The following SLC12A8 variants were observed in gnomAD, a reference collection of about 807,000 sequenced individuals.
SLC12A8 encodes the protein cation-chloride cotransporter 9.
SLC12A8 carries 69 observed loss-of-function variants against 75.6 expected under a neutral mutation model. That is an observed-to-expected ratio of 0.91 (90% confidence interval 0.75 to 1.11). The LOEUF (loss-of-function observed/expected upper bound fraction) is 1.11, where lower values mean the gene tolerates loss of function less well. SLC12A8 is among the 50% of genes most tolerant of loss of function. The pLI is 0.00. For synonymous variants in SLC12A8, 365 were observed against 372.8 expected (o/e 0.98, Z 0.24); for missense variants, 877 against 896.7 (o/e 0.98, Z 0.28).
chr3:125,092,995 A>T (rs1027186488), intron 10 of SLC12A8, among the ~76,000 whole-genome samples: 2 of 152,026 alleles, frequency 1.3e-5, no homozygotes, highest in Non-Finnish European at 2.9e-5. Context: ...CCACCCTCCT[A>T]CCTTTCCGAG....
At chr3:125,162,406 A>G (rs1268908123) in intron 5 of SLC12A8, among the ~76,000 whole-genome samples, 1 of 152,030 alleles carries the variant, frequency 6.6e-6, no homozygotes, top group East Asian at 1.9e-4. Flanking sequence ...CAGTGAAACC[A>G]CCTTTCTGCG....
chr3:125,176,845 G>A (rs1167571915), intron 5 of SLC12A8, among the ~76,000 whole-genome samples: 2 of 144,908 alleles, frequency 1.4e-5, no homozygotes, highest in Non-Finnish European at 3.1e-5. Flanking sequence ...GAGAGGATGT[G>A]CAGAAATAGG....
chr3:125,165,449 G>A (rs1934264152), intron 5 of SLC12A8, among the ~76,000 whole-genome samples: 2 of 152,238 alleles, frequency 1.3e-5, no homozygotes, highest in Admixed American at 6.5e-5. Context: ...GCAAAGACAT[G>A]TAGATGCCCT....
intron 5 of SLC12A8, among the ~76,000 whole-genome samples, chr3:125,140,877 G>A (rs1000968009): frequency 6.6e-6 from 1 of 152,086 alleles, no homozygotes; most frequent in African/African-American, 2.4e-5. Context: ...GAGCCACCAC[G>A]TCTAGCCTCC....
At chr3:125,210,054 A>G (rs541595400) in intron 2 of SLC12A8, among the ~76,000 whole-genome samples, 56 of 152,344 alleles carry the variant, frequency 3.7e-4, no homozygotes, top group African/African-American at 1.2e-3. Context: ...ATGTTTAGCT[A>G]TTAAGGGAGA....
chr3:125,190,899 T>C (rs1934897951), intron 2 of SLC12A8, among the ~76,000 whole-genome samples: 1 of 152,176 alleles, frequency 6.6e-6, no homozygotes, highest in Non-Finnish European at 1.5e-5. Flanking sequence ...TTCTAGCCCA[T>C]GGAATGCAGG....
intron 6 of SLC12A8, among the ~76,000 whole-genome samples, chr3:125,132,414 G>C (rs995448108): frequency 6.6e-6 from 1 of 152,334 alleles, no homozygotes; most frequent in Admixed American, 6.5e-5. Flanking sequence ...ACAAGTGATA[G>C]ATGAAGCTGG....
At chr3:125,146,937 G>A (rs780150821) in intron 5 of SLC12A8, among the ~76,000 whole-genome samples, 1 of 152,220 alleles carries the variant, frequency 6.6e-6, no homozygotes, top group Non-Finnish European at 1.5e-5. Context: ...CTGACCACCA[G>A]TCACCAATGT....
chr3:125,187,146 C>A, intron 4 of SLC12A8, 91 bp downstream of exon 4: 1 of 1,334,786 alleles, frequency 7.5e-7, no homozygotes, highest in South Asian at 1.3e-5. Flanking sequence ...ATTGTCCCCA[C>A]CCTCGCTTCT....
chr3:125,172,580 C>A (rs13316796), intron 5 of SLC12A8, among the ~76,000 whole-genome samples: 49,756 of 152,094 alleles, frequency 0.33, 8,513 homozygotes, highest in Middle Eastern at 0.45. Flanking sequence ...AGCCAAGTCA[C>A]ACCCAAATTA....
intron 6 of SLC12A8, 27 bp from the exon 7 acceptor site, chr3:125,120,713 G>A: frequency 6.3e-7 from 1 of 1,576,344 alleles, no homozygotes. Flanking sequence ...TGGGGAATGG[G>A]GTGAGCAGCC....
chr3:125,138,204 C>A (rs528915043), intron 5 of SLC12A8, among the ~76,000 whole-genome samples: 2 of 152,216 alleles, frequency 1.3e-5, no homozygotes, highest in East Asian at 3.9e-4. Flanking sequence ...GAGTTTGAAA[C>A]CAGCCTGGCC....
chr3:125,120,594 CTT>C lies in SLC12A8; in HGVS notation c.824+3_824+4del. 1 of 1,610,058 alleles carries C rather than the reference CTT, an allele frequency of 6.2e-7. No homozygotes were observed. The highest frequency in any genetic ancestry group is 1.1e-5 in the South Asian group (1 of 90,648). ...CTCAGACTGATTGCCATGAGGGGAA[CTT>C]ACGAGATGCCAACAGCTGCCAGGGA... On this transcript the variant is annotated splice_donor_region_variant and intron_variant, in intron 7 of 13. Coordinates refer to ENST00000469902, the MANE Select transcript of SLC12A8 (RefSeq NM_024628.6).
chr3:125,105,482 C>T (rs1471750714), intron 10 of SLC12A8, among the ~76,000 whole-genome samples: 1 of 152,150 alleles, frequency 6.6e-6, no homozygotes, highest in African/African-American at 2.4e-5. Context: ...AGGCATTTGA[C>T]AGATCTGCCA....
At position 125,124,615 on chromosome 3, in the gene SLC12A8, C is replaced by T. The variant is rs569284304; in HGVS notation, c.737-3929G>A. On this transcript the variant is annotated intron_variant, in intron 6 of 13. Coordinates refer to ENST00000469902, the MANE Select transcript of SLC12A8 (RefSeq NM_024628.6). ...TGCTGGGATTACAGGCATGAGCCAC[C>T]GTGCCTGGCCTGCACATTTGTTATA... Among the ~76,000 whole-genome samples the T allele has an allele frequency of 5.5e-4, 83 of 152,146 alleles. 1 individual carries two copies. The South Asian group carries it at 0.014, about 25-fold the overall frequency.
chr3:125,193,041 G>C (rs1367227545), intron 2 of SLC12A8, among the ~76,000 whole-genome samples: 2 of 152,224 alleles, frequency 1.3e-5, no homozygotes, highest in Non-Finnish European at 2.9e-5. Flanking sequence ...ATATTTCCCA[G>C]ATGCCACGCT....
chr3:125,188,538 T>C (rs527882020), intron 3 of SLC12A8, among the ~76,000 whole-genome samples: 6 of 152,274 alleles, frequency 3.9e-5, no homozygotes, highest in Admixed American at 1.3e-4. Flanking sequence ...GATGAACACA[T>C]GTAGACAGAC....
chr3:125,156,392 G>A (rs1255039390), intron 5 of SLC12A8, among the ~76,000 whole-genome samples: 3 of 152,152 alleles, frequency 2.0e-5, no homozygotes, highest in African/African-American at 7.2e-5. Flanking sequence ...GGGTCTATGT[G>A]TGCACCCACT....
At chr3:125,143,336 G>C (rs181531354) in intron 5 of SLC12A8, among the ~76,000 whole-genome samples, 1 of 152,318 alleles carries the variant, frequency 6.6e-6, no homozygotes, top group Admixed American at 6.5e-5. Context: ...AAACTGAATC[G>C]GGCTGTATTG....
Sources: allele counts gnomAD v4.1 joint callset (sites outside exome capture counted in the v4.1 genomes callset), GRCh38; gene constraint gnomAD v4.1.1; transcripts MANE v1.5; gene names NCBI Gene and HGNC (gene_info 2026-07-23, HGNC 2026-07-21).